Variants in SERINC2 observed in about 807,000 individuals in gnomAD.
SERINC2 encodes the protein tumor differentially expressed protein 2.
A neutral mutation model predicts 54.2 loss-of-function variants in SERINC2; 56 were observed. The ratio of observed to expected loss-of-function variants is 1.03; its 90% CI spans 0.83 to 1.29. SERINC2 has a LOEUF of 1.29. Among genes scored for constraint, SERINC2 ranks in the 50% most tolerant of loss-of-function variants. The pLI, the probability that SERINC2 is intolerant of heterozygous loss-of-function variation, is 0.00. For missense variants in SERINC2, 614 were observed against 607.4 expected (o/e 1.01, Z -0.12); for synonymous variants, 272 against 253.1 (o/e 1.07, Z -0.71).
chr1:31,410,199 CTG>C (rs1428034913), upstream of SERINC2: 4 of 1,439,384 alleles, frequency 2.8e-6, no homozygotes, highest in Admixed American at 2.8e-5. Context: ...CTGACTGTGA[CTG>C]TGCTTTTGGG....
intron 6 of SERINC2, among the ~76,000 whole-genome samples, chr1:31,427,042 A>G (rs1291888666): frequency 6.6e-6 from 1 of 152,158 alleles, no homozygotes; most frequent in Non-Finnish European, 1.5e-5. Context: ...CTCAAATATT[A>G]AATGGAGATA....
chr1:31,430,195 A>G (rs1397617685), intron 8 of SERINC2, among the ~76,000 whole-genome samples: 1 of 152,178 alleles, frequency 6.6e-6, no homozygotes, highest in Non-Finnish European at 1.5e-5. Context: ...TTGAAGGGCT[A>G]TAGATGAATC....
rs756607818 is a variant in SERINC2, at chr1:31,425,751, G to A, written c.473-25G>A. On this transcript the variant is annotated intron_variant, in intron 4 of 9. Coordinates refer to ENST00000373709, the MANE Select transcript of SERINC2 (RefSeq NM_178865.5). ...TAGATGTGAGAGAGGGACCCTCCTC[G>A]CCTCACTCCCCTCTCCCCACCCAGT... 2.9e-5 allele frequency: 47 copies of A among 1,608,906 alleles called. 1 individual carries two copies. The highest frequency in any genetic ancestry group is 1.9e-4 in the South Asian group (17 of 90,560).
chr1:31,422,624 G>C (rs1178169448), intron 1 of SERINC2, among the ~76,000 whole-genome samples: 1 of 152,206 alleles, frequency 6.6e-6, no homozygotes, highest in Middle Eastern at 3.2e-3. Context: ...TTTCCTGCTT[G>C]TGTAAGCTCC....
At chr1:31,431,047 A>G (rs1641182021) in intron 8 of SERINC2, among the ~76,000 whole-genome samples, 1 of 151,974 alleles carries the variant, frequency 6.6e-6, no homozygotes, top group South Asian at 2.1e-4. Context: ...GTCACATTTG[A>G]TTCCTTTTCA....
At chr1:31,419,937 A>C (rs1640866887) in intron 1 of SERINC2, among the ~76,000 whole-genome samples, 1 of 152,270 alleles carries the variant, frequency 6.6e-6, no homozygotes, top group African/African-American at 2.4e-5. Context: ...TGAGCCCCGG[A>C]GGTGGAGGTT....
chr1:31,429,302 G>A (rs79942123), intron 7 of SERINC2, 95 bp from the exon 8 acceptor site: 5 of 1,454,666 alleles, frequency 3.4e-6, no homozygotes, highest in Non-Finnish European at 4.7e-6. Context: ...GTATCTGTCT[G>A]TCTATTAGGG....
At position 31,432,156 on chromosome 1, in the gene SERINC2, CAGGGTGGATAGGGTGGATAGGGTGGAT is replaced by C. The variant is rs1184328936; in HGVS notation, c.1014-803_1014-777del. Reference sequence around the variant, plus strand: ...GGGTGGACAGGGTGGACAGGGTGGACAGGGTGGATAGGGTGGATAGGGTGGATAGGGTGGTTAGAGTGGAGAGAGTGG... The same window carrying C: ...GGGTGGACAGGGTGGACAGGGTGGACAGGGTGGTTAGAGTGGAGAGAGTGG... On this transcript the variant is annotated intron_variant, in intron 8 of 9. Transcript: ENST00000373709. Among the ~76,000 whole-genome samples, 30 of 4,558 alleles carry C rather than the reference CAGGGTGGATAGGGTGGATAGGGTGGAT, an allele frequency of 6.6e-3. 2 individuals carry two copies. The highest frequency in any genetic ancestry group is 0.024 in the African/African-American group (27 of 1,116). 3.0% of individuals were successfully genotyped at this position (4,558 alleles called of 152,430 possible). A position where few individuals can be genotyped will look rare whatever the true frequency, so the allele number is the denominator to read the frequency against.
intron 8 of SERINC2, among the ~76,000 whole-genome samples, chr1:31,431,759 AGAGGG>A (rs1641211199): frequency 2.0e-5 from 3 of 150,732 alleles, no homozygotes; most frequent in Non-Finnish European, 4.4e-5. Flanking sequence ...GATAGGGTGG[AGAGGG>A]TGGAGAGGGT....
In SERINC2 at chr1:31,423,874, C is replaced by T. The variant is rs1640964552; in HGVS notation, c.201+20C>T. The T allele has an allele frequency of 1.2e-6, 2 of 1,609,298 alleles. No homozygotes were observed. The highest frequency in any genetic ancestry group is 1.7e-6 in the Non-Finnish European group (2 of 1,176,488). ...TACAAGGTGAGTGCCCCAGGGGAGG[C>T]AGGGCGGCCTCCAGCGAGGGGCGTC... On this transcript the variant is annotated intron_variant, in intron 2 of 9. Coordinates refer to ENST00000373709, the MANE Select transcript of SERINC2 (RefSeq NM_178865.5).
At chr1:31,432,150 G>A (rs868952817) in intron 8 of SERINC2, among the ~76,000 whole-genome samples, 2 of 141,986 alleles carry the variant, frequency 1.4e-5, no homozygotes, top group African/African-American at 2.7e-5. Flanking sequence ...GGGTGGACAG[G>A]GTGGACAGGG....
intron 1 of SERINC2, chr1:31,414,233 C>T (rs915738417): frequency 2.0e-5 from 27 of 1,345,644 alleles, no homozygotes; most frequent in African/African-American, 1.1e-4. Context: ...AGCAAGACCC[C>T]GGCTGGGAGG....
intron 9 of SERINC2, 40 bp downstream of exon 9, chr1:31,433,225 A>T (rs371245454): frequency 6.5e-6 from 10 of 1,544,278 alleles, no homozygotes; most frequent in Non-Finnish European, 7.2e-6. Context: ...CCGGAGGTGC[A>T]GGGTGCAGGT....
intron 5 of SERINC2, among the ~76,000 whole-genome samples, chr1:31,426,310 G>T (rs1641039932): frequency 6.6e-6 from 1 of 152,174 alleles, no homozygotes; most frequent in African/African-American, 2.4e-5. Context: ...AGGCTCACCT[G>T]GGTGCTGTTT....
At chr1:31,431,869 AGGGT>A (rs1553134562) in intron 8 of SERINC2, among the ~76,000 whole-genome samples, 9 of 147,708 alleles carry the variant, frequency 6.1e-5, no homozygotes, top group Admixed American at 1.3e-4. Context: ...TAGGGTGGAT[AGGGT>A]GGACAGGGTG....
intron 8 of SERINC2, among the ~76,000 whole-genome samples, chr1:31,432,083 T>TGGATAGGGTGGATAGGGTGGA (rs1557501056): frequency 5.2e-5 from 1 of 19,400 alleles, no homozygotes; most frequent in Non-Finnish European, 9.6e-5. Context: ...GACAGGGTGG[T>TGGATAGGGTGGATAGGGTGGA]TAGGGTGGAC....
chr1:31,422,355 C>T (rs782590972), intron 1 of SERINC2, among the ~76,000 whole-genome samples: 2 of 151,612 alleles, frequency 1.3e-5, no homozygotes, highest in African/African-American at 2.4e-5. Flanking sequence ...TTAAAAGATA[C>T]GGTCTCGCTA....
intron 1 of SERINC2, chr1:31,415,856 C>G: frequency 1.4e-5 from 14 of 985,154 alleles, no homozygotes; most frequent in Non-Finnish European, 1.7e-5. Flanking sequence ...GACTCATCTG[C>G]TGATTGTGCT....
In SERINC2 at chr1:31,424,661, G is replaced by T. The variant is rs537998361; in HGVS notation, c.202-22G>T. 1.4e-5 allele frequency: 22 copies of T among 1,561,294 alleles called. 1 individual carries two copies. Among genetic ancestry groups the T allele is most frequent in the African/African-American group, 9.5e-5 (7 of 73,678 alleles). On this transcript the variant is annotated intron_variant, in intron 2 of 9. Transcript: ENST00000373709. Reference sequence around the variant, plus strand: ...GTTCTGTGAGAGGTGGGGCTTTGACGCTGCTCTGTCTGTCTCCACAGCTGC... The same window carrying T: ...GTTCTGTGAGAGGTGGGGCTTTGACTCTGCTCTGTCTGTCTCCACAGCTGC...
Sources: allele counts gnomAD v4.1 joint callset (sites outside exome capture counted in the v4.1 genomes callset), GRCh38; gene constraint gnomAD v4.1.1; transcripts MANE v1.5; gene names NCBI Gene and HGNC (gene_info 2026-07-23, HGNC 2026-07-21).